The following PLEKHM3 variants were observed in gnomAD, a reference collection of about 807,000 sequenced individuals.
PLEKHM3 encodes the protein pleckstrin homology domain containing M3.
A neutral mutation model predicts 81.8 loss-of-function variants in PLEKHM3; 45 were observed. The observed-to-expected ratio is 0.55, with a 90% CI of 0.43 to 0.71. The LOEUF is 0.71. Among genes scored for constraint, PLEKHM3 ranks in the 30% least tolerant of loss-of-function variants. PLEKHM3 has a pLI of 0.00. For synonymous variants in PLEKHM3, 352 were observed against 356.4 expected, an observed-to-expected ratio of 0.99 and a Z score of 0.14; for missense variants, 788 against 924.3, an observed-to-expected ratio of 0.85 and a Z score of 1.91.
At chr2:207,831,260 G>C (rs576403334) in intron 7 of PLEKHM3, among the ~76,000 whole-genome samples, 2 of 152,318 alleles carry the variant, frequency 1.3e-5, no homozygotes, top group East Asian at 3.9e-4. Flanking sequence ...TGAGAAAAGA[G>C]ACTCCAAGAG....
chr2:207,925,147 G>T (rs68125057), intron 5 of PLEKHM3, among the ~76,000 whole-genome samples: 13,966 of 96,290 alleles, frequency 0.15, 783 homozygotes, highest in Non-Finnish European at 0.17. Context: ...TTTGTTTTTT[G>T]TTTTTTTTTT....
chr2:207,935,924 C>T (rs188251551), intron 4 of PLEKHM3, among the ~76,000 whole-genome samples: 2 of 152,312 alleles, frequency 1.3e-5, no homozygotes, highest in East Asian at 3.8e-4. Flanking sequence ...TAAAATAAAA[C>T]TGAAGTTCAA....
At chr2:207,901,308 C>T (rs1481737951) in intron 6 of PLEKHM3, 1 of 703,040 alleles carries the variant, frequency 1.4e-6, no homozygotes, top group East Asian at 2.7e-5. Flanking sequence ...GTGCCTGGGT[C>T]TGCAGAACAG....
chr2:207,929,990 A>G (rs774427795), intron 5 of PLEKHM3: 2 of 677,992 alleles, frequency 2.9e-6, no homozygotes, highest in Non-Finnish European at 5.3e-6. Flanking sequence ...TATGAACGCC[A>G]TCAACAATTA....
At position 207,977,280 on chromosome 2, in the gene PLEKHM3, A is replaced by T; in HGVS notation, c.917T>A (p.Val306Glu). ...GTAACCGGGCACAGCAGCATGCACT[A>T]CTTCCCAAAGCTTCTGTCCCCAGTC... Reference protein sequence around the residue: ...ALDWGQKLWEVVHAAVPGYMG... With the variant: ...ALDWGQKLWEEVHAAVPGYMG... The change falls in exon 3 of 8, where the codon GTA (valine) becomes GAA (glutamate). Residue 306 changes from valine to glutamate, a missense_variant. Coordinates refer to ENST00000427836, the MANE Select transcript of PLEKHM3 (RefSeq NM_001080475.3). 6.2e-7 allele frequency: 1 copy of T among 1,614,148 alleles called. No individual in the cohort carries two copies. Among genetic ancestry groups the T allele is most frequent in the Non-Finnish European group, 8.5e-7 (1 of 1,180,034 alleles).
Position 207,828,323 on chromosome 2 carries a change from G to T in PLEKHM3, c.2282C>A (p.Thr761Asn). Reference sequence around the variant, plus strand: ...TGGCCTTCGGGTCGGCTGGAGTCAGGTGTTCTGGTAGGACAGCTCGAACAT... The same window carrying T: ...TGGCCTTCGGGTCGGCTGGAGTCAGTTGTTCTGGTAGGACAGCTCGAACAT... ...CTMFELSYQN[T>N] Residue 761 changes from threonine (T) to asparagine (N), a missense_variant, in exon 8 of 8, where the codon ACC becomes AAC. By Grantham distance (65) the Thr-to-Asn change is moderately conservative. Transcript: ENST00000427836. The T allele has an allele frequency of 6.2e-7, 1 of 1,607,682 alleles. No homozygotes were observed. Among genetic ancestry groups the T allele is most frequent in the Non-Finnish European group, 8.5e-7 (1 of 1,176,126 alleles).
intron 3 of PLEKHM3, among the ~76,000 whole-genome samples, chr2:207,975,999 G>A (rs1691296870): frequency 1.3e-5 from 2 of 150,590 alleles, no homozygotes; most frequent in Admixed American, 1.3e-4. Flanking sequence ...AAATAAGATT[G>A]TTGACCTCAA....
Position 207,833,494 on chromosome 2 carries a change from G to GT in PLEKHM3, c.2109-4999dup, listed in dbSNP as rs111325316. On this transcript the variant is annotated intron_variant, in intron 7 of 7. Transcript: ENST00000427836. ...CCAAAGTCATCCAATGGGTTTTTCT[G>GT]TTTTTTTTTTTCTTGAAAACATTCA... Among the ~76,000 whole-genome samples, 977 of 147,112 alleles carry GT rather than the reference G, an allele frequency of 6.6e-3. 6 individuals are homozygous for GT. The highest frequency in any genetic ancestry group is 0.018 in the African/African-American group (743 of 40,506).
chr2:208,012,468 G>T (rs1692735837), intron 1 of PLEKHM3, among the ~76,000 whole-genome samples: 1 of 152,066 alleles, frequency 6.6e-6, no homozygotes, highest in Admixed American at 6.6e-5. Flanking sequence ...GAGTACTTTG[G>T]GCCACCCAAG....
At chr2:207,861,525 C>G (rs894769528) in intron 6 of PLEKHM3, among the ~76,000 whole-genome samples, 5 of 142,300 alleles carry the variant, frequency 3.5e-5, no homozygotes, top group African/African-American at 1.2e-4. Flanking sequence ...GACTGAGGCC[C>G]AACAAATGGG....
intron 1 of PLEKHM3, among the ~76,000 whole-genome samples, chr2:208,013,133 A>G (rs1281293191): frequency 1.3e-5 from 2 of 152,268 alleles, no homozygotes; most frequent in African/African-American, 4.8e-5. Context: ...TTAAATGACA[A>G]TGATAGGTAT....
chr2:207,985,182 A>C (rs2100351), intron 2 of PLEKHM3, among the ~76,000 whole-genome samples: 101,544 of 150,136 alleles, frequency 0.68, 34,750 homozygotes, highest in Non-Finnish European at 0.73. Context: ...TGGCTCACCC[A>C]CTCCTGACCT....
At chr2:207,865,595 T>C (rs2092491162) in intron 6 of PLEKHM3, among the ~76,000 whole-genome samples, 1 of 150,900 alleles carries the variant, frequency 6.6e-6, no homozygotes, top group Non-Finnish European at 1.5e-5. Flanking sequence ...CTGGCCAACA[T>C]GGTGAAACCC....
intron 6 of PLEKHM3, among the ~76,000 whole-genome samples, chr2:207,868,274 A>ATT (rs34177402): frequency 0.054 from 6,693 of 124,566 alleles, 232 homozygotes; most frequent in African/African-American, 0.11. Flanking sequence ...GCTTATTATT[A>ATT]TTTTTTTTTT....
At chr2:207,836,367 AAC>A (rs1231398394) in intron 7 of PLEKHM3, among the ~76,000 whole-genome samples, 1 of 151,926 alleles carries the variant, frequency 6.6e-6, no homozygotes, top group East Asian at 1.9e-4. Flanking sequence ...ATATTTTATG[AAC>A]AGTCTTTGAC....
chr2:207,879,705 GT>G (rs2092577068), intron 6 of PLEKHM3, among the ~76,000 whole-genome samples: 1 of 152,216 alleles, frequency 6.6e-6, no homozygotes, highest in South Asian at 2.1e-4. Flanking sequence ...TGGGACATGG[GT>G]CATTCCTGAG....
chr2:207,970,550 G>A (rs1426167570), intron 3 of PLEKHM3, among the ~76,000 whole-genome samples: 1 of 152,170 alleles, frequency 6.6e-6, no homozygotes, highest in Non-Finnish European at 1.5e-5. Flanking sequence ...TTTTTCATTG[G>A]TCATTACTTT....
chr2:208,016,668 A>AAACACACACACACACACACACACAC (rs1553568085), intron 1 of PLEKHM3, among the ~76,000 whole-genome samples: 1 of 61,554 alleles, frequency 1.6e-5, no homozygotes, highest in African/African-American at 4.5e-5. Flanking sequence ...AAAAAAAAAA[A>AAACACACACACACACACACACACAC]ATACACACAC....
intron 5 of PLEKHM3, among the ~76,000 whole-genome samples, chr2:207,923,905 A>ATATATATATATATTTTTTT (rs1396762429): frequency 3.5e-5 from 1 of 28,348 alleles, no homozygotes; most frequent in Non-Finnish European, 6.4e-5. Flanking sequence ...ATATATATAT[A>ATATATATATATATTTTTTT]TTTTTTTTTT....
Sources: gnomAD v4.1 joint callset for allele counts (sites outside exome capture counted in the v4.1 genomes callset) on GRCh38, gnomAD v4.1.1 for gene constraint, MANE v1.5 for transcripts, NCBI Gene and HGNC (gene_info 2026-07-23, HGNC 2026-07-21) for gene names.